INTS4: variants seen among roughly 807,000 people sequenced by gnomAD.
The protein encoded by INTS4 is integrator complex subunit 4.
A neutral mutation model predicts 119.5 loss-of-function variants in INTS4; 70 were observed. That is an observed-to-expected ratio of 0.59 (90% CI 0.48 to 0.71). The LOEUF (loss-of-function observed/expected upper bound fraction) is 0.71, where lower values mean the gene tolerates loss of function less well. Among genes scored for constraint, INTS4 ranks in the 30% least tolerant of loss-of-function variants. INTS4 has a pLI of 0.00. For synonymous variants in INTS4, 316 were observed against 419.6 expected (o/e 0.75, Z 3.02); for missense variants, 867 against 1,173.2 (o/e 0.74, Z 3.81).
At chr11:77,966,575 G>A (rs749696873) in intron 4 of INTS4, among the ~76,000 whole-genome samples, 10 of 152,058 alleles carry the variant, frequency 6.6e-5, no homozygotes, top group Non-Finnish European at 1.3e-4. Flanking sequence ...TGTGTTCTTG[G>A]CACCACTGTC....
At chr11:77,883,245 ACT>A (rs1368286282) in intron 22 of INTS4, among the ~76,000 whole-genome samples, 2 of 152,126 alleles carry the variant, frequency 1.3e-5, no homozygotes, top group South Asian at 2.1e-4. Context: ...GGGAAACACC[ACT>A]GAGGCCAATT....
chr11:77,903,428 T>G, intron 17 of INTS4, 112 bp downstream of exon 17: 1 of 1,607,364 alleles, frequency 6.2e-7, no homozygotes, highest in Non-Finnish European at 8.5e-7. Context: ...ATGCCACAAC[T>G]TTTCCTGCAA....
At chr11:77,932,063 C>A (rs187290779) in intron 10 of INTS4, among the ~76,000 whole-genome samples, 49 of 152,096 alleles carry the variant, frequency 3.2e-4, no homozygotes, top group African/African-American at 1.2e-3. Context: ...CCAAAAGCAA[C>A]GGCAATGAAG....
chr11:77,989,572 A>AT (rs1413102132), intron 2 of INTS4, among the ~76,000 whole-genome samples: 1 of 152,168 alleles, frequency 6.6e-6, no homozygotes, highest in African/African-American at 2.4e-5. Context: ...TCACTATAGT[A>AT]TTTTATCTAC....
At chr11:77,972,297 C>T (rs976773565) in intron 4 of INTS4, among the ~76,000 whole-genome samples, 3 of 152,100 alleles carry the variant, frequency 2.0e-5, no homozygotes, top group Non-Finnish European at 4.4e-5. Context: ...TGGGGTTTTG[C>T]CATGTTGCCC....
rs1041234672 is a variant in INTS4, at chr11:77,922,240, A to G, written c.1630+116T>C. 49 of 1,392,214 alleles carry G rather than the reference A, an allele frequency of 3.5e-5. 1 individual carries two copies. In the Admixed American group the frequency reaches 5.3e-4, roughly 15 times the overall value. The allele number at this position is 1,392,214 out of a possible 1,614,324, so 86.2% of individuals were successfully genotyped here. On this transcript the variant is annotated intron_variant, in intron 13 of 22. Transcript: ENST00000534064. Reference sequence around the variant, plus strand: ...GAGACTCTGTCTTCAAAAAAAAAAAAAAAAAAGAAAGAAAAGCAAAGAAAA... The same window carrying G: ...GAGACTCTGTCTTCAAAAAAAAAAAGAAAAAAGAAAGAAAAGCAAAGAAAA...
intron 15 of INTS4, among the ~76,000 whole-genome samples, chr11:77,908,717 C>A (rs1040732068): frequency 2.6e-5 from 4 of 152,184 alleles, no homozygotes; most frequent in African/African-American, 9.7e-5. Flanking sequence ...GAGAAAAATA[C>A]ATTGAGGTGG....
chr11:77,877,462 C>A (rs1951630406), downstream of INTS4, among the ~76,000 whole-genome samples: 1 of 152,210 alleles, frequency 6.6e-6, no homozygotes, highest in South Asian at 2.1e-4. Flanking sequence ...TTTAATCCAT[C>A]CTACTCAACC....
At chr11:77,951,452 C>G (rs1014756478) in intron 8 of INTS4, among the ~76,000 whole-genome samples, 34 of 152,252 alleles carry the variant, frequency 2.2e-4, no homozygotes, top group Middle Eastern at 3.4e-3. Context: ...GGAAAACTGG[C>G]TAGCCATATG....
chr11:77,982,072 C>T (rs1392097896), intron 2 of INTS4, among the ~76,000 whole-genome samples: 1 of 151,918 alleles, frequency 6.6e-6, no homozygotes, highest in African/African-American at 2.4e-5. Context: ...CTTTTGGAGT[C>T]CCTGGAAAGT....
intron 14 of INTS4, among the ~76,000 whole-genome samples, chr11:77,920,099 G>T (rs1043754798): frequency 6.6e-6 from 1 of 151,284 alleles, no homozygotes; most frequent in Non-Finnish European, 1.5e-5. Context: ...ATGAGCCACC[G>T]CACCTGGCCT....
At chr11:77,920,238 TAC>T (rs1181603509) in intron 14 of INTS4, among the ~76,000 whole-genome samples, 11 of 16,694 alleles carry the variant, frequency 6.6e-4, no homozygotes, top group East Asian at 1.8e-3. Flanking sequence ...CATACATATA[TAC>T]ATATATATAC....
chr11:77,939,764 G>A (rs1953884527), intron 9 of INTS4, among the ~76,000 whole-genome samples: 1 of 150,902 alleles, frequency 6.6e-6, no homozygotes, highest in Non-Finnish European at 1.5e-5. Context: ...AGGATCACTT[G>A]AGCCCGGGAG....
At chr11:77,978,598 G>A (rs1856052272) in intron 4 of INTS4, 1 of 152,656 alleles carries the variant, frequency 6.6e-6, no homozygotes, top group Non-Finnish European at 1.5e-5. Context: ...CAAGTTTGGG[G>A]TCAGAAAAAA....
chr11:77,884,101 A>G (rs1590999297), intron 21 of INTS4, 149 bp from the exon 22 acceptor site: 1 of 681,984 alleles, frequency 1.5e-6, no homozygotes. Context: ...TCAACACTGT[A>G]GACATCTCTA....
chr11:77,881,431 T>A (rs1402042392), intron 22 of INTS4, among the ~76,000 whole-genome samples: 2 of 152,160 alleles, frequency 1.3e-5, no homozygotes, highest in East Asian at 1.9e-4. Flanking sequence ...CAAGCTCATT[T>A]ACAATGAGAC....
intron 15 of INTS4, among the ~76,000 whole-genome samples, chr11:77,908,760 G>C (rs952889565): frequency 6.6e-6 from 1 of 152,184 alleles, no homozygotes; most frequent in African/African-American, 2.4e-5. Flanking sequence ...GTGCTCTTTA[G>C]TACCTTCTCC....
rs112908953 is a variant in INTS4, at chr11:77,978,965, G to C, written c.471+31C>G. The C allele has an allele frequency of 8.5e-4, 1,175 of 1,387,864 alleles. 3 individuals carry two copies. The African/African-American group carries it at 0.014, about 17-fold the overall frequency. 86.0% of individuals were successfully genotyped at this position (1,387,864 alleles called of 1,614,324 possible). A position where few individuals can be genotyped will look rare whatever the true frequency, so the allele number is the denominator to read the frequency against. ...TTAGCAGTCCTCAGTTACCAGTTTA[G>C]GATGGATCTGAATAGATTTTATACT... On this transcript the variant is annotated intron_variant, in intron 4 of 22. Transcript: ENST00000534064.
At chr11:77,973,642 A>ATTTT (rs1401076896) in intron 4 of INTS4, among the ~76,000 whole-genome samples, 1 of 152,098 alleles carries the variant, frequency 6.6e-6, no homozygotes, top group African/African-American at 2.4e-5. Flanking sequence ...ATTACAAGAT[A>ATTTT]TTTTATGTGT....
Sources: gnomAD v4.1 joint callset for allele counts (sites outside exome capture counted in the v4.1 genomes callset) on GRCh38, gnomAD v4.1.1 for gene constraint, MANE v1.5 for transcripts, NCBI Gene and HGNC (gene_info 2026-07-23, HGNC 2026-07-21) for gene names.